Variants in TRRAP observed in about 807,000 individuals in gnomAD.
TRRAP encodes the protein transformation/transcription domain-associated protein.
In TRRAP, 41 loss-of-function variants were observed where a neutral mutation model predicts 438.8. The observed-to-expected ratio is 0.09, with a 90% CI of 0.07 to 0.12. The LOEUF (loss-of-function observed/expected upper bound fraction) is 0.12, where lower values mean the gene tolerates loss of function less well. Ranked by LOEUF, TRRAP falls within the 10% of genes least tolerant of loss-of-function variation. The probability of loss-of-function intolerance (pLI) is 1.00; values close to 1 mark genes in which losing one functional copy is unlikely to be tolerated. For synonymous variants in TRRAP, 1,994 were observed against 1,962.9 expected (o/e 1.02, Z -0.42); for missense variants, 3,122 against 5,055.1 (o/e 0.62, Z 11.60).
At chr7:98,887,810 C>G (rs1169092112) in intron 3 of TRRAP, among the ~76,000 whole-genome samples, 1 of 151,186 alleles carries the variant, frequency 6.6e-6, no homozygotes, top group East Asian at 1.9e-4. Context: ...GTTTCACTGT[C>G]CTTCCTTTAT....
chr7:98,937,118 A>T (rs782602551), intron 28 of TRRAP, 38 bp from the exon 29 acceptor site: 1 of 1,562,234 alleles, frequency 6.4e-7, no homozygotes, highest in East Asian at 2.3e-5. Context: ...GCATCTTTCC[A>T]GTTAATAATG....
chr7:98,959,896 A>G (rs572163630), intron 45 of TRRAP, among the ~76,000 whole-genome samples: 1 of 150,678 alleles, frequency 6.6e-6, no homozygotes, highest in Non-Finnish European at 1.5e-5. Context: ...GTGCCACTGC[A>G]CTACAGCTTG....
intron 68 of TRRAP, among the ~76,000 whole-genome samples, 173 bp from the exon 69 acceptor site, chr7:99,004,958 G>C (rs1169085782): frequency 6.6e-6 from 1 of 152,082 alleles, no homozygotes; most frequent in Non-Finnish European, 1.5e-5. Context: ...TGAAAATATT[G>C]TGACTCATTT....
Position 98,950,282 on chromosome 7 carries a change from T to C in TRRAP, c.5334+20T>C. ...GCTAAAGTGAGTCCCACTCTTATGC[T>C]GTAGAAGGGTATGGGTATTTGGTCT... On this transcript the variant is annotated intron_variant, in intron 38 of 72. Coordinates refer to ENST00000456197, the MANE Select transcript of TRRAP (RefSeq NM_001375524.1). The C allele has an allele frequency of 6.2e-7, 1 of 1,613,684 alleles. No individual in the cohort carries two copies. Among genetic ancestry groups the C allele is most frequent in the Non-Finnish European group, 8.5e-7 (1 of 1,179,794 alleles).
intron 17 of TRRAP, among the ~76,000 whole-genome samples, chr7:98,911,763 T>C (rs1314975723): frequency 2.8e-5 from 4 of 142,410 alleles, no homozygotes; most frequent in Non-Finnish European, 5.9e-5. Context: ...GAGACCCCCA[T>C]CTCAAAATCT....
intron 26 of TRRAP, among the ~76,000 whole-genome samples, chr7:98,932,551 C>T (rs1790370250): frequency 6.6e-6 from 1 of 151,922 alleles, no homozygotes; most frequent in Non-Finnish European, 1.5e-5. Context: ...ACTATGTTGC[C>T]CAGTCTGGCC....
intron 69 of TRRAP, 145 bp from the exon 70 acceptor site, chr7:99,008,232 T>C: frequency 1.3e-6 from 1 of 772,604 alleles, no homozygotes; most frequent in Non-Finnish European, 2.1e-6. Context: ...AAATGGATGG[T>C]GCATGACCAC....
Position 98,976,427 on chromosome 7 carries a change from A to C in TRRAP, c.7960-56A>C. The C allele has an allele frequency of 6.3e-7, 1 of 1,584,016 alleles. No individual in the cohort carries two copies. The highest frequency in any genetic ancestry group is 1.3e-5 in the African/African-American group (1 of 74,698). ...AAGGTATTCTTGCATCGAGAGAGACAGCAAGACTTGCCGATTTTTGAATGA... is the reference window on the plus strand; with the variant it reads ...AAGGTATTCTTGCATCGAGAGAGACCGCAAGACTTGCCGATTTTTGAATGA... On this transcript the variant is annotated intron_variant, in intron 54 of 72. Transcript: ENST00000456197. The surrounding 1 kb of genome is among the most constrained non-coding windows in gnomAD (Gnocchi z 4.6).
chr7:98,977,027 C>T lies in TRRAP; in HGVS notation c.8336C>T (p.Ser2779Leu), dbSNP rs770812441. 25 of 1,614,094 alleles carry T rather than the reference C, an allele frequency of 1.5e-5. No individual in the cohort carries two copies. The highest frequency in any genetic ancestry group is 3.3e-4 in the Middle Eastern group (2 of 6,084). Residue 2779 changes from serine (S) to leucine (L), a missense_variant, in exon 56 of 73, where the codon TCG becomes TTG. By Grantham distance (145) the Ser-to-Leu change is moderately radical. Around this residue, in one of 24 missense-constraint regions of TRRAP, gnomAD observed 992 missense variants for 1,281.2 expected, o/e 0.77. Coordinates refer to ENST00000456197, the MANE Select transcript of TRRAP (RefSeq NM_001375524.1). ...AGLWQKRCKY[S>L]ETATAIAYEQ... ...CTGTGGCAGAAGCGGTGCAAGTACT[C>T]GGAGACAGCGACTGCGATTGCTTAC... is the stretch of plus-strand genomic sequence containing the variant.
At chr7:98,964,585 G>T in intron 47 of TRRAP, 44 bp from the exon 48 acceptor site, 2 of 1,594,074 alleles carry the variant, frequency 1.3e-6, no homozygotes, top group Admixed American at 3.6e-5. Flanking sequence ...GTTTTTCGTG[G>T]TTGTTACTTT....
At chr7:98,922,925 A>G (rs1554410862) in intron 21 of TRRAP, among the ~76,000 whole-genome samples, 1 of 152,106 alleles carries the variant, frequency 6.6e-6, no homozygotes, top group Non-Finnish European at 1.5e-5. Flanking sequence ...GTCCATAAGT[A>G]AACATTGGGG....
chr7:98,949,622 A>T lies in TRRAP; in HGVS notation c.4954-38A>T, dbSNP rs568512711. 2,085 of 1,595,538 alleles carry T rather than the reference A, an allele frequency of 1.3e-3. 46 individuals are homozygous for T. In the South Asian group the frequency reaches 0.022, roughly 17 times the overall value. ...CCAGCCCCCAATGCCCAGGGGTTTA[A>T]TCGAGACACGGTTCCCTAATTATCT... On this transcript the variant is annotated intron_variant, in intron 36 of 72. Coordinates refer to ENST00000456197, the MANE Select transcript of TRRAP (RefSeq NM_001375524.1).
At chr7:98,920,257 G>A (rs926937494) in intron 20 of TRRAP, among the ~76,000 whole-genome samples, 2 of 152,122 alleles carry the variant, frequency 1.3e-5, no homozygotes, top group African/African-American at 4.8e-5. Context: ...GATCACTGGA[G>A]GTGAGGAGTT....
At chr7:99,003,629 TG>T (rs1287361797) in intron 67 of TRRAP, among the ~76,000 whole-genome samples, 2 of 152,160 alleles carry the variant, frequency 1.3e-5, no homozygotes. Flanking sequence ...CCTGTGGGGT[TG>T]GGGATGGGGT....
At chr7:98,979,874 T>C (rs969548786) in intron 58 of TRRAP, among the ~76,000 whole-genome samples, 3 of 152,226 alleles carry the variant, frequency 2.0e-5, no homozygotes, top group African/African-American at 7.2e-5. Flanking sequence ...ATTCAGCAAA[T>C]TACTTCTGTC....
chr7:98,911,229 C>T lies in TRRAP; in HGVS notation c.1965C>T (p.Val655=). The change falls in exon 17 of 73, where the codon GTC becomes GTT. Residue 655 remains valine (V), a synonymous_variant. Transcript: ENST00000456197. ...LTFKEIFQTT[V]PYMVERISKN... is the part of the protein sequence containing the mutation. ...TCAAAGAAATCTTCCAAACTACGGT[C>T]CCTTATATGGTGGAGAGAATCTCAA... 6.2e-7 allele frequency: 1 copy of T among 1,614,046 alleles called. No homozygotes were observed. The highest frequency in any genetic ancestry group is 8.5e-7 in the Non-Finnish European group (1 of 1,179,982).
intron 47 of TRRAP, 55 bp downstream of exon 47, chr7:98,962,482 G>T (rs1467965093): frequency 6.2e-7 from 1 of 1,610,934 alleles, no homozygotes; most frequent in Admixed American, 1.7e-5. Context: ...CTCTTTCCCC[G>T]CTCACTGGAC....
intron 53 of TRRAP, among the ~76,000 whole-genome samples, chr7:98,974,750 CTAGG>C (rs1190025338): frequency 2.0e-5 from 3 of 152,178 alleles, no homozygotes; most frequent in Admixed American, 6.5e-5. Context: ...TAATACTTTA[CTAGG>C]TAGGTTTCCA....
At chr7:98,965,389 G>T (rs976414908) in intron 48 of TRRAP, among the ~76,000 whole-genome samples, 2 of 152,160 alleles carry the variant, frequency 1.3e-5, no homozygotes, top group African/African-American at 4.8e-5. Flanking sequence ...GGGCTGTGGT[G>T]GGCATGGCTT....
Sources: gnomAD v4.1 joint callset for allele counts (sites outside exome capture counted in the v4.1 genomes callset) on GRCh38, gnomAD v4.1.1 for gene constraint, gnomAD v4.1.1 regional missense constraint, Gnocchi (gnomAD v3.1) non-coding constraint, MANE v1.5 for transcripts, NCBI Gene and HGNC (gene_info 2026-07-23, HGNC 2026-07-21) for gene names.